ROBO1: variants seen among roughly 807,000 people sequenced by gnomAD.
The protein encoded by ROBO1 is roundabout homolog 1.
A neutral mutation model predicts 195.9 loss-of-function variants in ROBO1; 149 were observed. The ratio of observed to expected loss-of-function variants is 0.76; its 90% CI spans 0.67 to 0.87. ROBO1 has a LOEUF of 0.87. Ranked by LOEUF, ROBO1 falls within the 40% of genes least tolerant of loss-of-function variation. The pLI is 0.00. For synonymous variants in ROBO1, 816 were observed against 733.2 expected (o/e 1.11, Z -1.82); for missense variants, 1,933 against 2,068.3 (o/e 0.93, Z 1.27).
intron 29 of ROBO1, among the ~76,000 whole-genome samples, chr3:78,604,884 T>C (rs1204200508): frequency 2.0e-5 from 3 of 152,250 alleles, no homozygotes; most frequent in African/African-American, 7.2e-5. Context: ...CTTCCATTTC[T>C]TGTGTTTCTT....
At chr3:79,039,914 T>C (rs999020423) in intron 3 of ROBO1, among the ~76,000 whole-genome samples, 1 of 151,912 alleles carries the variant, frequency 6.6e-6, no homozygotes, top group African/African-American at 2.4e-5. Flanking sequence ...AATAACTTCC[T>C]TTCAAGATTG....
intron 1 of ROBO1, among the ~76,000 whole-genome samples, chr3:79,701,523 G>C (rs1446468470): frequency 1.3e-5 from 2 of 151,590 alleles, no homozygotes; most frequent in Non-Finnish European, 3.0e-5. Context: ...TATTACAAAA[G>C]ATAGAAATAA....
At chr3:79,682,403 A>G (rs1220066146) in intron 1 of ROBO1, among the ~76,000 whole-genome samples, 1 of 151,994 alleles carries the variant, frequency 6.6e-6, no homozygotes, top group Admixed American at 6.6e-5. Flanking sequence ...ACTAATTTTA[A>G]CCTGTCTGGC....
At chr3:78,936,251 G>C (rs538948520) in intron 4 of ROBO1, among the ~76,000 whole-genome samples, 2 of 151,934 alleles carry the variant, frequency 1.3e-5, no homozygotes, top group East Asian at 1.9e-4. Context: ...TAGGAACCAA[G>C]AAATACAGTT....
Position 79,419,424 on chromosome 3 carries a change from G to A in ROBO1, c.88+170400C>T, listed in dbSNP as rs374695718. ...AGTCAGTTTTTTAAGCAGAGCCGTG[G>A]GTTGTGTCTGTGTAAAAGAAAAGCT... is the stretch of plus-strand genomic sequence containing the variant. On this transcript the variant is annotated intron_variant, in intron 2 of 30. Coordinates refer to ENST00000464233, the MANE Select transcript of ROBO1 (RefSeq NM_002941.4). Among the ~76,000 whole-genome samples, 164 of 152,128 alleles carry A rather than the reference G, an allele frequency of 1.1e-3. 5 individuals are homozygous for A. In the South Asian group the frequency reaches 0.032, roughly 30 times the overall value.
At chr3:79,343,282 T>C (rs908262835) in intron 2 of ROBO1, among the ~76,000 whole-genome samples, 40 of 152,292 alleles carry the variant, frequency 2.6e-4, no homozygotes, top group African/African-American at 9.4e-4. Flanking sequence ...CTTCGAAGTT[T>C]GGCAACTACA....
intron 2 of ROBO1, among the ~76,000 whole-genome samples, chr3:79,324,065 T>C (rs2034102203): frequency 6.6e-6 from 1 of 152,054 alleles, no homozygotes; most frequent in South Asian, 2.1e-4. Flanking sequence ...ATCGAATCAA[T>C]AAAAAACCCA....
chr3:79,447,371 C>A (rs1046043139), intron 2 of ROBO1, among the ~76,000 whole-genome samples: 4 of 152,070 alleles, frequency 2.6e-5, no homozygotes, highest in African/African-American at 9.6e-5. Flanking sequence ...TCAACAGAAG[C>A]AAAGAATTTT....
intron 4 of ROBO1, among the ~76,000 whole-genome samples, chr3:78,802,860 G>A (rs892059339): frequency 3.9e-5 from 6 of 152,010 alleles, no homozygotes; most frequent in African/African-American, 1.4e-4. Flanking sequence ...TCATATATAT[G>A]TTCTTACTTT....
At chr3:78,605,359 G>T (rs1334999615) in intron 29 of ROBO1, among the ~76,000 whole-genome samples, 2 of 152,038 alleles carry the variant, frequency 1.3e-5, no homozygotes, top group Non-Finnish European at 2.9e-5. Flanking sequence ...TGGTGTGTTG[G>T]AGCAGGCTCA....
intron 2 of ROBO1, among the ~76,000 whole-genome samples, chr3:79,386,869 A>C (rs1174071574): frequency 6.6e-6 from 1 of 151,976 alleles, no homozygotes; most frequent in Non-Finnish European, 1.5e-5. Flanking sequence ...GAAAAGAAAA[A>C]ACGATCCTAA....
chr3:79,112,241 ATACT>A (rs959006133), intron 3 of ROBO1, among the ~76,000 whole-genome samples: 9 of 152,158 alleles, frequency 5.9e-5, no homozygotes, highest in Non-Finnish European at 8.8e-5. Context: ...CATATGTGAC[ATACT>A]TACTCCTCTT....
At chr3:79,316,437 G>A (rs186864955) in intron 2 of ROBO1, among the ~76,000 whole-genome samples, 1 of 152,224 alleles carries the variant, frequency 6.6e-6, no homozygotes, top group East Asian at 1.9e-4. Context: ...AATGGGATCT[G>A]GTGTAAAGGG....
intron 2 of ROBO1, among the ~76,000 whole-genome samples, chr3:79,553,189 T>C (rs186313470): frequency 3.7e-4 from 57 of 152,100 alleles, no homozygotes; most frequent in African/African-American, 1.3e-3. Context: ...CCTCCATTTA[T>C]TTGTTGTCAG....
At chr3:79,032,202 T>C (rs922523438) in intron 3 of ROBO1, among the ~76,000 whole-genome samples, 1 of 152,052 alleles carries the variant, frequency 6.6e-6, no homozygotes, top group Non-Finnish European at 1.5e-5. Flanking sequence ...CAACGATATG[T>C]ATTGAGCAAA....
chr3:79,455,106 T>C (rs1405502026), intron 2 of ROBO1, among the ~76,000 whole-genome samples: 1 of 151,958 alleles, frequency 6.6e-6, no homozygotes, highest in African/African-American at 2.4e-5. Context: ...TCAGCGAGTT[T>C]AGTTTCAATT....
At chr3:79,248,374 CAAAAAAAAAAAAAAAA>C (rs10559171) in intron 2 of ROBO1, among the ~76,000 whole-genome samples, 1 of 36,210 alleles carries the variant, frequency 2.8e-5, no homozygotes, top group African/African-American at 9.9e-5. Context: ...GAAGACAGAC[CAAAAAAAAAAAAAAAA>C]AAAAAAAGAG....
At chr3:78,753,084 C>T (rs75026830) in intron 4 of ROBO1, among the ~76,000 whole-genome samples, 48 of 152,156 alleles carry the variant, frequency 3.2e-4, no homozygotes, top group African/African-American at 1.1e-3. Flanking sequence ...TGGCAAATAT[C>T]ACTCAACATT....
rs1212419344 is a variant in ROBO1 at position 79,612,107 on chromosome 3, C to T, written c.-50-22146G>A. Among the ~76,000 whole-genome samples, 9 of 150,604 alleles carry T rather than the reference C, an allele frequency of 6.0e-5. No homozygotes were observed. In the South Asian group the frequency reaches 8.4e-4, roughly 14 times the overall value. On this transcript the variant is annotated intron_variant, in intron 1 of 30. Transcript: ENST00000464233. ...GGTTAGTTACATATGTATACATGTG[C>T]CATGCTGGTGCGCTGCACCCACTAA...
Sources: gnomAD v4.1 joint callset for allele counts (sites outside exome capture counted in the v4.1 genomes callset) on GRCh38, gnomAD v4.1.1 for gene constraint, MANE v1.5 for transcripts, NCBI Gene and HGNC (gene_info 2026-07-23, HGNC 2026-07-21) for gene names.